TXNRD1: variants seen among roughly 807,000 people sequenced by gnomAD.
TXNRD1 encodes the protein thioredoxin reductase 1, cytoplasmic.
TXNRD1 carries 57 observed loss-of-function variants against 80.3 expected under a neutral mutation model. That is an observed-to-expected ratio of 0.71 (90% CI 0.57 to 0.89). TXNRD1 has a LOEUF of 0.89. TXNRD1 is among the 40% of genes least tolerant of loss of function. The probability of loss-of-function intolerance (pLI) is 0.00; values close to 1 mark genes in which losing one functional copy is unlikely to be tolerated. For synonymous variants in TXNRD1, 291 were observed against 285.2 expected, an observed-to-expected ratio of 1.02 and a Z score of -0.20; for missense variants, 730 against 803.0, an observed-to-expected ratio of 0.91 and a Z score of 1.10.
At chr12:104,238,113 T>G (rs1417096884) in intron 1 of TXNRD1, among the ~76,000 whole-genome samples, 2 of 152,236 alleles carry the variant, frequency 1.3e-5, no homozygotes, top group East Asian at 3.8e-4. Flanking sequence ...GGATTATTGG[T>G]AAAATGCAAG....
At chr12:104,215,961 G>A (rs2032197552) in intron 1 of TXNRD1, 68 bp downstream of exon 1, 6 of 1,350,284 alleles carry the variant, frequency 4.4e-6, no homozygotes, top group South Asian at 3.9e-5. Flanking sequence ...GCCGGGGTTG[G>A]GGATAAAGTG....
intron 1 of TXNRD1, among the ~76,000 whole-genome samples, chr12:104,230,289 G>T (rs1009893048): frequency 6.6e-6 from 1 of 151,852 alleles, no homozygotes; most frequent in South Asian, 2.1e-4. Flanking sequence ...GGATGGTCTC[G>T]AACTCCCAAC....
intron 2 of TXNRD1, among the ~76,000 whole-genome samples, chr12:104,252,663 TATATATA>T (rs1346924034): frequency 1.3e-4 from 3 of 23,660 alleles, no homozygotes; most frequent in African/African-American, 4.8e-4. Flanking sequence ...TATTATTTTT[TATATATA>T]TATATATATA....
chr12:104,258,123 A>G, intron 3 of TXNRD1, 44 bp downstream of exon 3: 1 of 1,341,926 alleles, frequency 7.5e-7, no homozygotes, highest in Non-Finnish European at 1.0e-6. Context: ...CTGACTGTAC[A>G]TTTTATCTCA....
chr12:104,243,464 G>A (rs983423561), intron 1 of TXNRD1, among the ~76,000 whole-genome samples: 1 of 152,176 alleles, frequency 6.6e-6, no homozygotes, highest in African/African-American at 2.4e-5. Flanking sequence ...ACTTGATGGG[G>A]TCTTGTCAGA....
chr12:104,306,020 C>T (rs2034901080), intron 4 of TXNRD1, among the ~76,000 whole-genome samples: 1 of 152,130 alleles, frequency 6.6e-6, no homozygotes, highest in Non-Finnish European at 1.5e-5. Context: ...TCTTGTGCCT[C>T]AGCCTCCCAA....
chr12:104,293,242 C>A (rs1484408946), intron 4 of TXNRD1, among the ~76,000 whole-genome samples: 1 of 152,154 alleles, frequency 6.6e-6, no homozygotes, highest in Non-Finnish European at 1.5e-5. Context: ...TGGAATAATA[C>A]CAAGTGTCAG....
In TXNRD1 at chr12:104,349,354, A is replaced by G. The variant is rs990893596; in HGVS notation, c.*933A>G. On this transcript the variant is annotated 3_prime_UTR_variant, in exon 17 of 17. Transcript: ENST00000525566. Reference sequence around the variant, plus strand: ...GCTTTATGCTAAAAAAAATAATGACATTGGGTATCTATTTCTTTCTAAGAC... The same window carrying G: ...GCTTTATGCTAAAAAAAATAATGACGTTGGGTATCTATTTCTTTCTAAGAC... The G allele has an allele frequency of 5.9e-5, 9 of 152,528 alleles. No homozygotes were observed. The highest frequency in any genetic ancestry group is 8.8e-5 in the Non-Finnish European group (6 of 68,046). 9.4% of individuals were successfully genotyped at this position (152,528 alleles called of 1,614,324 possible). A position where few individuals can be genotyped will look rare whatever the true frequency, so the allele number is the denominator to read the frequency against.
intron 1 of TXNRD1, among the ~76,000 whole-genome samples, chr12:104,218,440 C>T (rs137998358): frequency 6.6e-4 from 100 of 152,170 alleles, no homozygotes; most frequent in African/African-American, 2.2e-3. Context: ...GTTTCCAGTA[C>T]CCCAGGAGCC....
chr12:104,219,207 A>AAT (rs1459252618), intron 1 of TXNRD1, among the ~76,000 whole-genome samples: 2 of 152,122 alleles, frequency 1.3e-5, no homozygotes, highest in Non-Finnish European at 2.9e-5. Context: ...CAGCCTCCCA[A>AAT]AGTATACTGC....
intron 4 of TXNRD1, among the ~76,000 whole-genome samples, chr12:104,294,294 C>G (rs1211224903): frequency 3.4e-5 from 5 of 148,066 alleles, no homozygotes; most frequent in Non-Finnish European, 7.5e-5. Flanking sequence ...TTCTTGACAC[C>G]TTTTGCTACT....
At chr12:104,323,332 AG>A (rs2035610129) in intron 10 of TXNRD1, among the ~76,000 whole-genome samples, 1 of 132,030 alleles carries the variant, frequency 7.6e-6, no homozygotes, top group Non-Finnish European at 1.7e-5. Flanking sequence ...ACCTCCCAGA[AG>A]GGGTGGTGGC....
chr12:104,242,416 C>G (rs576231291), intron 1 of TXNRD1, among the ~76,000 whole-genome samples: 1 of 151,766 alleles, frequency 6.6e-6, no homozygotes. Flanking sequence ...GGCATGGTGG[C>G]GCACGCCTGT....
chr12:104,265,443 G>T, intron 3 of TXNRD1: 2 of 1,604,514 alleles, frequency 1.2e-6, no homozygotes, highest in Non-Finnish European at 1.7e-6. Context: ...CCCGCTTCTG[G>T]TACTTTGTAT....
chr12:104,327,770 TTTAG>T lies in TXNRD1; in HGVS notation c.1542+103_1542+106del, dbSNP rs2035815695. 8.2e-6 allele frequency: 11 copies of T among 1,346,492 alleles called. No individual in the cohort carries two copies. In the South Asian group the frequency reaches 1.6e-4, roughly 20 times the overall value. 83.4% of individuals were successfully genotyped at this position (1,346,492 alleles called of 1,614,324 possible). The stretch of plus-strand genomic sequence containing the variant: ...GGGAAGTTTCGCAGATCTTGAATAA[TTTAG>T]TTATTTTGGTGATGGCATCCTAGAT... On this transcript the variant is annotated intron_variant, in intron 13 of 16. Transcript: ENST00000525566.
chr12:104,291,035 C>G (rs1233555016), intron 4 of TXNRD1: 2 of 682,818 alleles, frequency 2.9e-6, no homozygotes, highest in Admixed American at 4.4e-5. Flanking sequence ...TCTTGAACTC[C>G]TGGGCTCAAG....
intron 4 of TXNRD1, among the ~76,000 whole-genome samples, chr12:104,298,951 C>G (rs982752852): frequency 6.6e-6 from 1 of 152,084 alleles, no homozygotes; most frequent in Admixed American, 6.6e-5. Flanking sequence ...CCCTCGGTAT[C>G]TTCAGGGGAT....
chr12:104,265,660 C>G (rs1350009579), intron 3 of TXNRD1: 1 of 1,605,854 alleles, frequency 6.2e-7, no homozygotes, highest in African/African-American at 1.3e-5. Flanking sequence ...TGCCCGGCAC[C>G]GCGCCCGAGC....
chr12:104,304,375 T>C (rs372283647), intron 4 of TXNRD1: 51 of 1,613,936 alleles, frequency 3.2e-5, no homozygotes, highest in Non-Finnish European at 4.1e-5. Flanking sequence ...ATAGCATAGC[T>C]CTTTCCTTCT....
Sources: allele counts gnomAD v4.1 joint callset (sites outside exome capture counted in the v4.1 genomes callset), GRCh38; gene constraint gnomAD v4.1.1; transcripts MANE v1.5; gene names NCBI Gene and HGNC (gene_info 2026-07-23, HGNC 2026-07-21).